Variants in FCHSD2 observed in about 807,000 individuals in gnomAD.
FCHSD2 encodes FCH and double SH3 domains 2, also known as F-BAR and double SH3 domains protein 2.
Under a neutral mutation model 108.1 loss-of-function variants are expected in FCHSD2, and 38 were observed. The ratio of observed to expected loss-of-function variants is 0.35; its 90% CI spans 0.27 to 0.46. The LOEUF (loss-of-function observed/expected upper bound fraction) is 0.46. FCHSD2 is among the 20% of genes least tolerant of loss of function. The probability of loss-of-function intolerance (pLI) is 1.00; values close to 1 mark genes in which losing one functional copy is unlikely to be tolerated. For missense variants in FCHSD2, 751 were observed against 897.8 expected (o/e 0.84, Z 2.09); for synonymous variants, 279 against 314.7 (o/e 0.89, Z 1.20).
intron 4 of FCHSD2, among the ~76,000 whole-genome samples, chr11:73,003,250 C>T (rs748269627): frequency 6.6e-6 from 1 of 152,150 alleles, no homozygotes; most frequent in African/African-American, 2.4e-5. Context: ...ATTTCCTCAA[C>T]TGGCAAATGG....
At chr11:72,854,768 G>A (rs142916551) in intron 13 of FCHSD2, among the ~76,000 whole-genome samples, 371 of 152,314 alleles carry the variant, frequency 2.4e-3, no homozygotes, top group African/African-American at 8.2e-3. Context: ...AAAGCAGAAT[G>A]GTGATTGTCA....
chr11:72,935,495 T>C (rs1856282411), intron 8 of FCHSD2, among the ~76,000 whole-genome samples: 1 of 152,230 alleles, frequency 6.6e-6, no homozygotes, highest in Non-Finnish European at 1.5e-5. Context: ...TGAGTTGTCT[T>C]AAAATTAAAT....
intron 10 of FCHSD2, among the ~76,000 whole-genome samples, chr11:72,899,735 T>TA (rs10674308): frequency 0.03 from 2,169 of 72,726 alleles, 178 homozygotes; most frequent in African/African-American, 0.1. Flanking sequence ...GACCCTATCT[T>TA]AAAAAAAAAA....
intron 13 of FCHSD2, among the ~76,000 whole-genome samples, chr11:72,858,724 T>A (rs1861492182): frequency 6.6e-6 from 1 of 152,196 alleles, no homozygotes; most frequent in Non-Finnish European, 1.5e-5. Flanking sequence ...GACACAAGTT[T>A]ACCTATGTAA....
chr11:72,917,224 C>A (rs1395836619), intron 9 of FCHSD2, among the ~76,000 whole-genome samples: 1 of 152,080 alleles, frequency 6.6e-6, no homozygotes, highest in Non-Finnish European at 1.5e-5. Context: ...ATCTCATGAT[C>A]CACCCATCTC....
At chr11:72,854,783 C>T (rs1006810773) in intron 13 of FCHSD2, among the ~76,000 whole-genome samples, 1 of 152,204 alleles carries the variant, frequency 6.6e-6, no homozygotes, top group African/African-American at 2.4e-5. Flanking sequence ...TTGTCAGAGG[C>T]TGCATGATGG....
intron 2 of FCHSD2, among the ~76,000 whole-genome samples, chr11:73,096,422 G>A (rs1213417786): frequency 6.6e-6 from 1 of 151,284 alleles, no homozygotes; most frequent in Non-Finnish European, 1.5e-5. Context: ...GTGGTGGCGG[G>A]CGCCTGTAAT....
chr11:73,077,173 T>C (rs1231289238), intron 3 of FCHSD2, among the ~76,000 whole-genome samples: 7 of 150,094 alleles, frequency 4.7e-5, no homozygotes, highest in African/African-American at 1.7e-4. Flanking sequence ...CTTTCACATA[T>C]GTTTGAAAAC....
chr11:73,125,269 C>G (rs1255694621), intron 2 of FCHSD2, among the ~76,000 whole-genome samples: 1 of 152,174 alleles, frequency 6.6e-6, no homozygotes, highest in African/African-American at 2.4e-5. Context: ...TTAAAAGATA[C>G]CTGTTTAAAG....
intron 12 of FCHSD2, among the ~76,000 whole-genome samples, chr11:72,884,483 AT>A (rs1855155420): frequency 6.7e-6 from 1 of 149,702 alleles, no homozygotes. Context: ...AAATATATAT[AT>A]ATCTGTGTGT....
intron 3 of FCHSD2, 97 bp from the exon 4 acceptor site, chr11:73,015,982 A>G: frequency 1.4e-6 from 1 of 701,108 alleles, no homozygotes; most frequent in South Asian, 1.9e-5. Flanking sequence ...CATTTTTCCA[A>G]ATGTAAATTT....
Position 72,850,249 on chromosome 11 carries a change from G to A in FCHSD2, c.1309-360C>T, listed in dbSNP as rs188194861. On this transcript the variant is annotated intron_variant, in intron 13 of 19. Transcript: ENST00000409418. ...GGCTAATTGTTTTGTATTTTTAGTA[G>A]AGATGGGGTTTCACCATGTTGGCCA... Among the ~76,000 whole-genome samples the A allele has an allele frequency of 5.7e-4, 86 of 152,050 alleles. 1 individual carries two copies. The Middle Eastern group carries it at 0.01, about 18-fold the overall frequency.
intron 3 of FCHSD2, among the ~76,000 whole-genome samples, chr11:73,024,381 CTG>C (rs927831810): frequency 2.4e-4 from 37 of 152,214 alleles, no homozygotes; most frequent in African/African-American, 8.9e-4. Context: ...AGACAAAAAA[CTG>C]TATATAAACA....
At position 72,838,548 on chromosome 11, in the gene FCHSD2, C is replaced by G; in HGVS notation, c.*243G>C. On this transcript the variant is annotated 3_prime_UTR_variant, in exon 20 of 20. Coordinates refer to ENST00000409418, the MANE Select transcript of FCHSD2 (RefSeq NM_014824.3). Reference sequence around the variant, plus strand: ...CATGAGGGCTGCCCCCCTCTTTGCTCCTAGGGTCCGCTAGGATTTGTGCTA... The same window carrying G: ...CATGAGGGCTGCCCCCCTCTTTGCTGCTAGGGTCCGCTAGGATTTGTGCTA... The G allele has an allele frequency of 1.8e-6, 1 of 546,282 alleles. No homozygotes were observed. 33.8% of individuals were successfully genotyped at this position (546,282 alleles called of 1,614,324 possible). A position where few individuals can be genotyped will look rare whatever the true frequency, so the allele number is the denominator to read the frequency against.
intron 3 of FCHSD2, among the ~76,000 whole-genome samples, chr11:73,056,461 A>T (rs1307727757): frequency 6.6e-6 from 1 of 152,344 alleles, no homozygotes; most frequent in East Asian, 1.9e-4. Flanking sequence ...TCTAAAAGTC[A>T]TACATGTTCA....
At chr11:72,958,653 C>T (rs1458278456) in intron 8 of FCHSD2, among the ~76,000 whole-genome samples, 1 of 152,188 alleles carries the variant, frequency 6.6e-6, no homozygotes, top group Non-Finnish European at 1.5e-5. Context: ...CTCAAGTTCA[C>T]CAATTCCACT....
At chr11:73,009,714 A>G (rs901147442) in intron 4 of FCHSD2, among the ~76,000 whole-genome samples, 5 of 151,668 alleles carry the variant, frequency 3.3e-5, no homozygotes, top group African/African-American at 1.2e-4. Flanking sequence ...TACTTTGAAT[A>G]TATCATACCA....
intron 9 of FCHSD2, among the ~76,000 whole-genome samples, chr11:72,911,451 T>C (rs995855885): frequency 1.3e-5 from 2 of 152,192 alleles, no homozygotes; most frequent in African/African-American, 4.8e-5. Flanking sequence ...GATAGCTGGA[T>C]AGCTTTGGTT....
At chr11:72,989,448 T>A (rs183947373) in intron 5 of FCHSD2, among the ~76,000 whole-genome samples, 12 of 152,302 alleles carry the variant, frequency 7.9e-5, no homozygotes, top group Admixed American at 7.8e-4. Flanking sequence ...ATAAGGCAAT[T>A]CTGTATTTCC....
Sources: gnomAD v4.1 joint callset for allele counts (sites outside exome capture counted in the v4.1 genomes callset) on GRCh38, gnomAD v4.1.1 for gene constraint, MANE v1.5 for transcripts, NCBI Gene and HGNC (gene_info 2026-07-23, HGNC 2026-07-21) for gene names.